Variants in NFATC1 observed in about 807,000 individuals in gnomAD.
The protein encoded by NFATC1 is nuclear factor of activated T-cells, cytoplasmic 1.
A neutral mutation model predicts 76.0 loss-of-function variants in NFATC1; 22 were observed. That is an observed-to-expected ratio of 0.29 (90% confidence interval 0.21 to 0.41). NFATC1 has a LOEUF of 0.41. Ranked by LOEUF, NFATC1 falls within the 10% of genes least tolerant of loss-of-function variation. The pLI, the probability that NFATC1 is intolerant of heterozygous loss-of-function variation, is 1.00. For missense variants in NFATC1, 1,357 were observed against 1,337.7 expected (o/e 1.01, Z -0.23); for synonymous variants, 704 against 613.1 (o/e 1.15, Z -2.19).
intron 1 of NFATC1, among the ~76,000 whole-genome samples, chr18:79,399,158 A>G (rs1025306776): frequency 6.6e-6 from 1 of 152,286 alleles, no homozygotes; most frequent in East Asian, 1.9e-4. Context: ...GGTCGGCAAA[A>G]GCAGCAAAAC....
intron 3 of NFATC1, 142 bp downstream of exon 3, chr18:79,433,880 A>T (rs747186785): frequency 4.1e-4 from 389 of 946,986 alleles, no homozygotes; most frequent in Middle Eastern, 6.1e-4. Context: ...GCGGCTGCTC[A>T]CCGCCTCTGA....
chr18:79,499,361 C>A (rs1197121877), intron 9 of NFATC1, among the ~76,000 whole-genome samples: 1 of 151,922 alleles, frequency 6.6e-6, no homozygotes, highest in African/African-American at 2.4e-5. Context: ...GTCACACACA[C>A]ACATAAAATG....
At chr18:79,426,335 G>T (rs996288292) in intron 2 of NFATC1, among the ~76,000 whole-genome samples, 9 of 152,074 alleles carry the variant, frequency 5.9e-5, no homozygotes, top group African/African-American at 2.2e-4. Flanking sequence ...CCAGGCGAGG[G>T]AGACACAGGT....
At chr18:79,443,494 C>T (rs1402529442) in intron 3 of NFATC1, among the ~76,000 whole-genome samples, 1 of 152,200 alleles carries the variant, frequency 6.6e-6, no homozygotes, top group Non-Finnish European at 1.5e-5. Flanking sequence ...TGGGAAGGGG[C>T]CTGGAGCCGT....
chr18:79,493,601 C>G (rs2089763886), intron 9 of NFATC1: 1 of 152,248 alleles, frequency 6.6e-6, no homozygotes, highest in Admixed American at 6.5e-5. Context: ...TGAACGGGCC[C>G]CTCGCCCGCC....
intron 9 of NFATC1, among the ~76,000 whole-genome samples, chr18:79,501,008 C>G (rs1222264544): frequency 1.3e-5 from 2 of 151,694 alleles, no homozygotes; most frequent in Non-Finnish European, 2.9e-5. Flanking sequence ...GCCCTAATAC[C>G]AAAATCAAAA....
At chr18:79,419,856 T>G (rs2086011869) in intron 2 of NFATC1, among the ~76,000 whole-genome samples, 1 of 152,242 alleles carries the variant, frequency 6.6e-6, no homozygotes, top group Non-Finnish European at 1.5e-5. Context: ...AGTCGGGAGT[T>G]GGAGGGCAAC....
At chr18:79,499,387 A>T (rs2089966912) in intron 9 of NFATC1, among the ~76,000 whole-genome samples, 1 of 152,254 alleles carries the variant, frequency 6.6e-6, no homozygotes, top group South Asian at 2.1e-4. Context: ...AAATGCACTT[A>T]AATGATACAC....
At chr18:79,454,891 C>T (rs1490493211) in intron 6 of NFATC1, among the ~76,000 whole-genome samples, 1 of 151,734 alleles carries the variant, frequency 6.6e-6, no homozygotes, top group African/African-American at 2.4e-5. Context: ...CCCACCTTCA[C>T]ACCTGCACCC....
At chr18:79,490,737 A>G (rs2089654062) in intron 9 of NFATC1, among the ~76,000 whole-genome samples, 1 of 152,284 alleles carries the variant, frequency 6.6e-6, no homozygotes, top group African/African-American at 2.4e-5. Context: ...CCTTGTGAGA[A>G]GATGGCTGGA....
At chr18:79,402,231 GTC>G (rs1270375063) in intron 1 of NFATC1, 1 of 629,176 alleles carries the variant, frequency 1.6e-6, no homozygotes, top group Non-Finnish European at 2.0e-6. Context: ...CAGGAGGCCA[GTC>G]TCTGCCCCTC....
chr18:79,412,500 C>G (rs1163317877), intron 2 of NFATC1, among the ~76,000 whole-genome samples: 15 of 149,872 alleles, frequency 1.0e-4, no homozygotes. Context: ...ACTCAGGGGG[C>G]GAGACCCCGC....
chr18:79,432,300 C>T (rs759934979), intron 2 of NFATC1, among the ~76,000 whole-genome samples: 6 of 122,592 alleles, frequency 4.9e-5, no homozygotes, highest in Middle Eastern at 3.9e-3. Flanking sequence ...TCAGGAGCCC[C>T]GGCCCACGGT....
intron 9 of NFATC1, among the ~76,000 whole-genome samples, chr18:79,492,029 C>T (rs2089694195): frequency 6.6e-6 from 1 of 152,212 alleles, no homozygotes; most frequent in South Asian, 2.1e-4. Flanking sequence ...GGACATAGAA[C>T]TTTTTCTGTG....
chr18:79,488,298 TTGTGTGTGTGTG>T (rs3222211), intron 9 of NFATC1, among the ~76,000 whole-genome samples: 3,590 of 141,078 alleles, frequency 0.025, 55 homozygotes, highest in Middle Eastern at 0.068. Flanking sequence ...GCAGCCCTGG[TTGTGTGTGTGTG>T]TGTGTGTGTG....
chr18:79,509,002 G>A (rs554475030), intron 9 of NFATC1, among the ~76,000 whole-genome samples: 88 of 152,080 alleles, frequency 5.8e-4, no homozygotes, highest in African/African-American at 1.4e-3. Flanking sequence ...CAGGGTTGTC[G>A]GTCTCCACTG....
intron 4 of NFATC1, among the ~76,000 whole-genome samples, chr18:79,449,555 T>C (rs1318955081): frequency 6.6e-6 from 1 of 152,236 alleles, no homozygotes; most frequent in African/African-American, 2.4e-5. Context: ...GGACTGCTGG[T>C]TCCCGAGAGA....
chr18:79,427,639 C>CGGTGGAGGCTGGACGGCTGGCCTCTGTGT (rs1224567965), intron 2 of NFATC1, among the ~76,000 whole-genome samples: 12 of 81,046 alleles, frequency 1.5e-4, no homozygotes, highest in Admixed American at 1.8e-4. Flanking sequence ...GGCCTCTGTG[C>CGGTGGAGGCTGGACGGCTGGCCTCTGTGT]GGTGGAGGCT....
At chr18:79,441,304 G>A (rs889589331) in intron 3 of NFATC1, among the ~76,000 whole-genome samples, 1 of 152,088 alleles carries the variant, frequency 6.6e-6, no homozygotes, top group Non-Finnish European at 1.5e-5. Flanking sequence ...TCACCCCTGT[G>A]TGTCTGGACT....
Sources: gnomAD v4.1 joint callset for allele counts (sites outside exome capture counted in the v4.1 genomes callset) on GRCh38, gnomAD v4.1.1 for gene constraint, MANE v1.5 for transcripts, NCBI Gene and HGNC (gene_info 2026-07-23, HGNC 2026-07-21) for gene names.